The following CRYBG2 variants were observed in gnomAD, a reference collection of about 807,000 sequenced individuals.
CRYBG2 encodes beta/gamma crystallin domain-containing protein 2.
A neutral mutation model predicts 153.4 loss-of-function variants in CRYBG2; 106 were observed. The ratio of observed to expected loss-of-function variants is 0.69; its 90% CI spans 0.59 to 0.81. The LOEUF is 0.81. Among genes scored for constraint, CRYBG2 ranks in the 30% least tolerant of loss-of-function variants. CRYBG2 has a pLI of 0.00. For synonymous variants in CRYBG2, 851 were observed against 877.8 expected (o/e 0.97, Z 0.54); for missense variants, 1,996 against 2,112.0 (o/e 0.95, Z 1.08).
At chr1:26,351,048 C>T (rs2074280993) in intron 1 of CRYBG2, among the ~76,000 whole-genome samples, 1 of 152,202 alleles carries the variant, frequency 6.6e-6, no homozygotes, top group African/African-American at 2.4e-5. Flanking sequence ...GTGGCTATGA[C>T]AGTGTCAGGG....
chr1:26,352,403 C>T (rs2074296397), intron 1 of CRYBG2, among the ~76,000 whole-genome samples: 1 of 152,172 alleles, frequency 6.6e-6, no homozygotes, highest in South Asian at 2.1e-4. Context: ...CACACACGTG[C>T]ACACATTCAC....
At chr1:26,350,346 GCAA>G (rs999909938) in intron 1 of CRYBG2, among the ~76,000 whole-genome samples, 3 of 152,106 alleles carry the variant, frequency 2.0e-5, no homozygotes, top group Admixed American at 2.0e-4. Context: ...TTTACTAGTT[GCAA>G]CAACAACAAA....
intron 16 of CRYBG2, 193 bp downstream of exon 16, chr1:26,328,540 GC>G: frequency 9.1e-7 from 1 of 1,098,310 alleles, no homozygotes; most frequent in Non-Finnish European, 1.3e-6. Context: ...ATCCTGAGAA[GC>G]CCACCAAGCT....
rs988013712 is a variant in CRYBG2 at position 26,354,123 on chromosome 1, T to C, written c.-143A>G. On this transcript the variant is annotated 5_prime_UTR_variant, in exon 1 of 20. Coordinates refer to ENST00000308182, the MANE Select transcript of CRYBG2 (RefSeq NM_001039775.4). ...CCGTGCTCCCCTGATGCGATTGGGCTCTCAGCTGGGGTTCCTGAGGCGGGG... is the reference window on the plus strand; with the variant it reads ...CCGTGCTCCCCTGATGCGATTGGGCCCTCAGCTGGGGTTCCTGAGGCGGGG... The C allele has an allele frequency of 2.5e-6, 1 of 399,504 alleles. No individual in the cohort carries two copies. Among genetic ancestry groups the C allele is most frequent in the Non-Finnish European group, 4.4e-6 (1 of 226,454 alleles). The allele number at this position is 399,504 out of a possible 1,614,324, so 24.7% of individuals were successfully genotyped here. A position where few individuals can be genotyped will look rare whatever the true frequency, so the allele number is the denominator to read the frequency against.
chr1:26,331,393 T>C, intron 15 of CRYBG2, 96 bp downstream of exon 15: 1 of 1,519,834 alleles, frequency 6.6e-7, no homozygotes. Flanking sequence ...AACACTGGAA[T>C]CAACCCCTGC....
At chr1:26,331,837 A>G (rs2074000367) in intron 14 of CRYBG2, among the ~76,000 whole-genome samples, 1 of 152,218 alleles carries the variant, frequency 6.6e-6, no homozygotes, top group Non-Finnish European at 1.5e-5. Context: ...TGGCAATATT[A>G]GGCAAAACTC....
Position 26,343,273 on chromosome 1 carries a change from C to T in CRYBG2, c.2934G>A (p.Gln978=), listed in dbSNP as rs1190967112. The T allele has an allele frequency of 6.4e-7, 1 of 1,550,492 alleles. No individual in the cohort carries two copies. Among genetic ancestry groups the T allele is most frequent in the South Asian group, 1.2e-5 (1 of 84,056 alleles). ...LEGWSPALKT[Q]GKLNTRPGKV... ...TTCCAGGCCTGGTGTTCAGCTTGCC[C>T]TGGGTCTTTAAGGCTGGGCTCTGAA... The change falls in exon 3 of 20, where the codon CAG becomes CAA. Residue 978 remains glutamine, a synonymous_variant. Coordinates refer to ENST00000308182, the MANE Select transcript of CRYBG2 (RefSeq NM_001039775.4). This position sits in a 1 kb window ranked among gnomAD's most constrained non-coding sequence, Gnocchi z 4.1.
chr1:26,352,319 T>C (rs2074295510), intron 1 of CRYBG2, among the ~76,000 whole-genome samples: 1 of 151,206 alleles, frequency 6.6e-6, no homozygotes, highest in Non-Finnish European at 1.5e-5. Context: ...ACCCAAGAAA[T>C]ACAAACACGC....
intron 8 of CRYBG2, 73 bp downstream of exon 8, chr1:26,337,939 C>T: frequency 6.4e-7 from 1 of 1,562,042 alleles, no homozygotes; most frequent in East Asian, 2.3e-5. Flanking sequence ...GATTTCCTGT[C>T]CAGACCACGA....
chr1:26,351,909 G>C (rs919970646), intron 1 of CRYBG2, among the ~76,000 whole-genome samples: 1 of 152,120 alleles, frequency 6.6e-6, no homozygotes, highest in African/African-American at 2.4e-5. Context: ...GACCCAGGAT[G>C]CCTCTCCTGG....
chr1:26,352,053 C>T (rs902327250), intron 1 of CRYBG2, among the ~76,000 whole-genome samples: 7 of 150,704 alleles, frequency 4.6e-5, no homozygotes, highest in Non-Finnish European at 8.9e-5. Flanking sequence ...GAGGAGGGGG[C>T]GGGGGGAGTG....
In CRYBG2 at chr1:26,343,123, C is replaced by T; in HGVS notation, c.2998G>A (p.Gly1000Ser). ...FFSESGCQGS[G>S]REVWGDIVDA... ...ACGATGTCTCCCCAGACCTCCCTGC[C>T]ACTGCCTTGGCAGCCAGACTCTGAG... Residue 1000 changes from glycine to serine, a missense_variant, in exon 4 of 20, where the codon GGC becomes AGC. Physicochemically the swap from Gly to Ser is moderately conservative, Grantham distance 56. Transcript: ENST00000308182. The surrounding 1 kb of genome is among the most constrained non-coding windows in gnomAD (Gnocchi z 4.1). 1 of 1,550,532 alleles carries T rather than the reference C, an allele frequency of 6.4e-7. No homozygotes were observed. The highest frequency in any genetic ancestry group is 8.7e-7 in the Non-Finnish European group (1 of 1,146,966).
rs1177573677 is a variant in CRYBG2 at position 26,346,576 on chromosome 1, TG to T, written c.81del (p.Thr28ProfsTer49). 3.7e-6 allele frequency: 6 copies of T among 1,602,072 alleles called. No individual in the cohort carries two copies. Among genetic ancestry groups the T allele is most frequent in the African/African-American group, 1.3e-5 (1 of 74,710 alleles). On this transcript the variant is annotated frameshift_variant, in exon 2 of 20. Transcript: ENST00000308182. LOFTEE classifies it high-confidence loss of function. This position sits in a 1 kb window ranked among gnomAD's most constrained non-coding sequence, Gnocchi z 4.9. ...AAACCATGTTTGATCTCTTCCTGGG[TG>T]GGGGGCCGCTGCCGCCATGTCAATG... ...SATLTWRQRP[P>X]TQEEIKHGFH...
chr1:26,335,564 G>A (rs920658598), intron 14 of CRYBG2, among the ~76,000 whole-genome samples: 15 of 152,222 alleles, frequency 9.9e-5, no homozygotes, highest in African/African-American at 3.6e-4. Context: ...TTGGAAGGCC[G>A]AGGTGGCGGA....
Position 26,344,570 on chromosome 1 carries a change from T to A in CRYBG2, c.2088A>T (p.Lys696Asn). ...EGSPISSLTQKEVVQDPDALP... is the reference protein window; with the variant it reads ...EGSPISSLTQNEVVQDPDALP... ...GAGCATCAGGGTCCTGCACAACCTC[T>A]TTCTGGGTGAGAGATGAGATGGGGC... Residue 696 changes from lysine to asparagine, a missense_variant, in exon 2 of 20, where the codon AAA becomes AAT. By Grantham distance (94) the Lys-to-Asn change is moderately conservative. Coordinates refer to ENST00000308182, the MANE Select transcript of CRYBG2 (RefSeq NM_001039775.4). 1 of 1,540,038 alleles carries A rather than the reference T, an allele frequency of 6.5e-7. No homozygotes were observed. The highest frequency in any genetic ancestry group is 8.7e-7 in the Non-Finnish European group (1 of 1,146,882).
intron 14 of CRYBG2, among the ~76,000 whole-genome samples, chr1:26,333,596 G>T (rs530576302): frequency 6.6e-6 from 1 of 151,938 alleles, no homozygotes; most frequent in East Asian, 1.9e-4. Context: ...GAAGAGACAG[G>T]AGCTCATATT....
intron 1 of CRYBG2, among the ~76,000 whole-genome samples, chr1:26,349,809 C>CTTTT (rs57826673): frequency 2.0e-4 from 14 of 70,680 alleles, no homozygotes; most frequent in Admixed American, 3.5e-4. Flanking sequence ...GGACTAGAGG[C>CTTTT]TTTTTTTTTT....
At chr1:26,339,845 C>T (rs1438773985) in intron 5 of CRYBG2, among the ~76,000 whole-genome samples, 1 of 152,180 alleles carries the variant, frequency 6.6e-6, no homozygotes, top group African/African-American at 2.4e-5. Context: ...CTGAGAAAAC[C>T]TTTGTAGCCA....
rs7535656 is a variant in CRYBG2 at position 26,346,975 on chromosome 1, C to A, written c.-55-263G>T. 0.19 allele frequency among the ~76,000 whole-genome samples: 28,321 copies of A among 152,052 alleles called. 2,768 individuals carry two copies. The highest frequency in any genetic ancestry group is 0.23 in the South Asian group (1,113 of 4,822). On this transcript the variant is annotated intron_variant, in intron 1 of 19. Transcript: ENST00000308182. This position sits in a 1 kb window ranked among gnomAD's most constrained non-coding sequence, Gnocchi z 4.9. Reference sequence around the variant, plus strand: ...TTCAAAGGTGAAGCTGAGGCCTGAGCCCAGAAGGAGAGAAAAGGAAGAAGG... The same window carrying A: ...TTCAAAGGTGAAGCTGAGGCCTGAGACCAGAAGGAGAGAAAAGGAAGAAGG...
Sources: allele counts gnomAD v4.1 joint callset (sites outside exome capture counted in the v4.1 genomes callset), GRCh38; gene constraint gnomAD v4.1.1; non-coding constraint Gnocchi (gnomAD v3.1); transcripts MANE v1.5; gene names NCBI Gene and HGNC (gene_info 2026-07-23, HGNC 2026-07-21).